The following MCPH1 variants were observed in gnomAD, a reference collection of about 807,000 sequenced individuals.
MCPH1 encodes the protein microcephalin.
A neutral mutation model predicts 84.5 loss-of-function variants in MCPH1; 104 were observed. The observed-to-expected ratio is 1.23, with a 90% CI of 1.05 to 1.45. MCPH1 has a LOEUF of 1.45. MCPH1 is among the 40% of genes most tolerant of loss of function. The pLI is 0.00. For missense variants in MCPH1, 1,498 were observed against 1,005.7 expected (o/e 1.49, Z -6.62); for synonymous variants, 514 against 366.8 (o/e 1.40, Z -4.58).
intron 12 of MCPH1, among the ~76,000 whole-genome samples, chr8:6,509,941 G>A (rs1211148062): frequency 6.6e-6 from 1 of 152,130 alleles, no homozygotes; most frequent in Non-Finnish European, 1.5e-5. Flanking sequence ...AGGGAGCATC[G>A]TGCCACATAT....
At chr8:6,507,708 G>A (rs1160514866) in intron 12 of MCPH1, 1 of 151,262 alleles carries the variant, frequency 6.6e-6, no homozygotes, top group Non-Finnish European at 1.5e-5. Context: ...TCCTGAGTAG[G>A]AGTAGCTGGG....
chr8:6,492,513 A>T (rs1270592884), intron 11 of MCPH1, among the ~76,000 whole-genome samples: 1 of 151,776 alleles, frequency 6.6e-6, no homozygotes, highest in East Asian at 1.9e-4. Flanking sequence ...TTTTGTTGCC[A>T]TTGCATTTGG....
intron 12 of MCPH1, among the ~76,000 whole-genome samples, chr8:6,586,758 C>A (rs1434799100): frequency 1.3e-5 from 2 of 152,216 alleles, no homozygotes; most frequent in Non-Finnish European, 2.9e-5. Flanking sequence ...CCTTGAAAGT[C>A]TGTGGGCAAG....
intron 3 of MCPH1, among the ~76,000 whole-genome samples, chr8:6,419,181 ACACACACGC>A (rs764165289): frequency 0.074 from 2,791 of 37,884 alleles, 40 homozygotes; most frequent in Non-Finnish European, 0.22. Context: ...ACACACACAC[ACACACACGC>A]ATTTTTACCC....
At chr8:6,482,398 C>A (rs1809355556) in intron 11 of MCPH1, among the ~76,000 whole-genome samples, 1 of 152,184 alleles carries the variant, frequency 6.6e-6, no homozygotes, top group Non-Finnish European at 1.5e-5. Flanking sequence ...CCCCAGGGGG[C>A]CACGGACTGT....
At chr8:6,588,239 C>T (rs117432639) in intron 12 of MCPH1, among the ~76,000 whole-genome samples, 1 of 152,148 alleles carries the variant, frequency 6.6e-6, no homozygotes, top group Admixed American at 6.5e-5. Context: ...AGCAGCTGCT[C>T]TCAGTGGGGC....
chr8:6,573,982 A>G (rs1826864344), intron 12 of MCPH1, among the ~76,000 whole-genome samples: 2 of 152,234 alleles, frequency 1.3e-5, no homozygotes, highest in South Asian at 4.1e-4. Context: ...GGGAGAATGC[A>G]CTTTCATCAT....
chr8:6,507,669 C>G (rs1025553883), intron 12 of MCPH1: 2 of 150,774 alleles, frequency 1.3e-5, no homozygotes, highest in African/African-American at 4.9e-5. Flanking sequence ...CTCTGCCTCC[C>G]AGGTTCAAGC....
intron 8 of MCPH1, chr8:6,446,824 TTGC>T (rs918604737): frequency 1.0e-6 from 1 of 985,354 alleles, no homozygotes; most frequent in South Asian, 4.7e-5. Flanking sequence ...AATCCCCGTG[TTGC>T]TGGGAGTGTG....
rs139377457 is a variant in MCPH1 at position 6,512,546 on chromosome 8, T to G, written c.2214+12617T>G. ...CGCCACCAGTCTGTGCTCTTTAGAC[T>G]CCTTTAGGCTGGCGTTGGTGCCAGT... On this transcript the variant is annotated intron_variant, in intron 12 of 13. Transcript: ENST00000344683. 3.9e-5 allele frequency among the ~76,000 whole-genome samples: 6 copies of G among 152,344 alleles called. No individual in the cohort carries two copies. In the East Asian group the frequency reaches 1.2e-3, roughly 29 times the overall value.
intron 13 of MCPH1, chr8:6,626,857 G>A: frequency 1.0e-6 from 1 of 984,998 alleles, no homozygotes; most frequent in African/African-American, 1.7e-5. Context: ...CGAAAGGCTG[G>A]CTTGGCCTTT....
intron 9 of MCPH1, among the ~76,000 whole-genome samples, chr8:6,471,011 C>T (rs937031274): frequency 3.3e-5 from 5 of 152,326 alleles, no homozygotes; most frequent in African/African-American, 1.2e-4. Context: ...GAGGCTGCTA[C>T]AGTTTAAGTA....
chr8:6,436,751 C>T (rs1037865294), intron 5 of MCPH1, among the ~76,000 whole-genome samples: 9 of 151,682 alleles, frequency 5.9e-5, no homozygotes, highest in South Asian at 4.2e-4. Context: ...GGGCGGATCA[C>T]GAGGTCAGGA....
chr8:6,433,124 G>C (rs951608089), intron 4 of MCPH1, among the ~76,000 whole-genome samples: 1 of 152,134 alleles, frequency 6.6e-6, no homozygotes, highest in Non-Finnish European at 1.5e-5. Flanking sequence ...CATGTCGGTA[G>C]CTTTGACTCT....
chr8:6,468,175 C>G (rs924825326), intron 9 of MCPH1, among the ~76,000 whole-genome samples: 2 of 152,188 alleles, frequency 1.3e-5, no homozygotes, highest in Non-Finnish European at 1.5e-5. Flanking sequence ...GTGCACCCTG[C>G]CTGCACCTCA....
At chr8:6,567,507 C>T (rs1455982984) in intron 12 of MCPH1, among the ~76,000 whole-genome samples, 1 of 152,184 alleles carries the variant, frequency 6.6e-6, no homozygotes, top group African/African-American at 2.4e-5. Flanking sequence ...AAGTGCCACA[C>T]TGAAGTGAAT....
At chr8:6,447,636 C>T (rs564869462) in intron 8 of MCPH1, among the ~76,000 whole-genome samples, 264 of 152,194 alleles carry the variant, frequency 1.7e-3, no homozygotes, top group African/African-American at 5.9e-3. Context: ...CTGCAACCTC[C>T]GCCTCCCGAG....
At chr8:6,606,076 T>G (rs1829753125) in intron 12 of MCPH1, among the ~76,000 whole-genome samples, 1 of 152,224 alleles carries the variant, frequency 6.6e-6, no homozygotes, top group Non-Finnish European at 1.5e-5. Flanking sequence ...ATAAAAAAAT[T>G]GTGAGTAAGT....
chr8:6,408,211 C>G (rs1281912459), intron 1 of MCPH1, among the ~76,000 whole-genome samples: 6 of 152,158 alleles, frequency 3.9e-5, no homozygotes, highest in African/African-American at 1.4e-4. Context: ...TCCACTGAAG[C>G]TATTTTGAAA....
Sources: gnomAD v4.1 joint callset for allele counts (sites outside exome capture counted in the v4.1 genomes callset) on GRCh38, gnomAD v4.1.1 for gene constraint, MANE v1.5 for transcripts, NCBI Gene and HGNC (gene_info 2026-07-23, HGNC 2026-07-21) for gene names.